The following IL1RAPL1 variants were observed in gnomAD, a reference collection of about 807,000 sequenced individuals.
The protein encoded by IL1RAPL1 is interleukin-1 receptor accessory protein-like 1.
In IL1RAPL1, 3 loss-of-function variants were observed where a neutral mutation model predicts 48.4. The ratio of observed to expected loss-of-function variants is 0.06; its 90% CI spans 0.03 to 0.16. The LOEUF is 0.16. Ranked by LOEUF, IL1RAPL1 falls within the 10% of genes least tolerant of loss-of-function variation. IL1RAPL1 has a pLI of 1.00. For missense variants in IL1RAPL1, 349 were observed against 530.6 expected, an observed-to-expected ratio of 0.66 and a Z score of 3.36; for synonymous variants, 185 against 187.7, an observed-to-expected ratio of 0.99 and a Z score of 0.12.
At chrX:29,234,420 T>C (rs1448199585) in intron 2 of IL1RAPL1, among the ~76,000 whole-genome samples, 1 of 111,627 alleles carries the variant, frequency 9.0e-6, no homozygotes, top group Non-Finnish European at 1.9e-5. Flanking sequence ...TTCCTTATCC[T>C]ACATAAGACA....
intron 2 of IL1RAPL1, among the ~76,000 whole-genome samples, chrX:29,130,609 T>C (rs1267124450): frequency 1.8e-5 from 2 of 112,232 alleles, no homozygotes; most frequent in Admixed American, 9.4e-5. Flanking sequence ...CACTTAATAG[T>C]GAAGTTCGGT....
At chrX:28,600,858 C>G (rs755861153) in intron 1 of IL1RAPL1, among the ~76,000 whole-genome samples, 37 of 111,863 alleles carry the variant, frequency 3.3e-4, no homozygotes. Flanking sequence ...ACACTATTCA[C>G]TTTTATATTA....
intron 5 of IL1RAPL1, among the ~76,000 whole-genome samples, chrX:29,625,750 T>C (rs1336008865): frequency 8.9e-6 from 1 of 112,257 alleles, no homozygotes; most frequent in Non-Finnish European, 1.9e-5. Flanking sequence ...ATCAGTGATA[T>C]AATGATTACA....
At chrX:29,614,642 C>T (rs5972482) in intron 5 of IL1RAPL1, among the ~76,000 whole-genome samples, 36,724 of 110,684 alleles carry the variant, frequency 0.33, 4,957 homozygotes, top group African/African-American at 0.5. Context: ...TACGGTAAAG[C>T]TTCTCCACAC....
intron 1 of IL1RAPL1, among the ~76,000 whole-genome samples, chrX:28,677,897 C>A (rs755362767): frequency 1.9e-4 from 21 of 111,205 alleles, no homozygotes; most frequent in Non-Finnish European, 4.0e-4. Flanking sequence ...CTGATTACTT[C>A]TTCAGGATAA....
At chrX:28,874,935 A>G (rs1601940726) in intron 2 of IL1RAPL1, among the ~76,000 whole-genome samples, 1 of 112,223 alleles carries the variant, frequency 8.9e-6, no homozygotes, top group African/African-American at 3.2e-5. Flanking sequence ...ATTTCTTGGT[A>G]TATAATCAGA....
chrX:28,986,406 T>C (rs773721592), intron 2 of IL1RAPL1, among the ~76,000 whole-genome samples: 1 of 112,659 alleles, frequency 8.9e-6, no homozygotes, highest in African/African-American at 3.2e-5. Context: ...TCCCATTTTA[T>C]ACCTAATAGA....
intron 5 of IL1RAPL1, among the ~76,000 whole-genome samples, chrX:29,462,535 A>G (rs1434085120): frequency 9.0e-6 from 1 of 111,430 alleles, no homozygotes; most frequent in Non-Finnish European, 1.9e-5. Context: ...TGTAGAAAAC[A>G]CCATGGGCAT....
chrX:29,496,692 T>C (rs766931039), intron 5 of IL1RAPL1, among the ~76,000 whole-genome samples: 1 of 111,252 alleles, frequency 9.0e-6, no homozygotes, highest in South Asian at 3.8e-4. Flanking sequence ...ATACCTGTGG[T>C]TTAACTGAGC....
chrX:28,817,350 A>G (rs992194307), intron 2 of IL1RAPL1, among the ~76,000 whole-genome samples: 1 of 111,155 alleles, frequency 9.0e-6, no homozygotes, highest in Non-Finnish European at 1.9e-5. Flanking sequence ...GTCAGTAACC[A>G]TCAACTCCCA....
At chrX:28,812,876 C>A (rs1195914539) in intron 2 of IL1RAPL1, among the ~76,000 whole-genome samples, 1 of 110,555 alleles carries the variant, frequency 9.0e-6, no homozygotes, top group East Asian at 2.9e-4. Context: ...TGTCACATTA[C>A]CCAGTTTCAT....
At chrX:29,257,626 G>A (rs1470522681) in intron 2 of IL1RAPL1, among the ~76,000 whole-genome samples, 1 of 111,616 alleles carries the variant, frequency 9.0e-6, no homozygotes, top group Non-Finnish European at 1.9e-5. Flanking sequence ...CCTATTATAT[G>A]TGTTAAAAAT....
At chrX:29,092,678 ACTT>A (rs1271953026) in intron 2 of IL1RAPL1, among the ~76,000 whole-genome samples, 5 of 111,864 alleles carry the variant, frequency 4.5e-5, no homozygotes, top group African/African-American at 1.3e-4. Flanking sequence ...AAATGAAATA[ACTT>A]CTTCAGGATT....
In IL1RAPL1 at chrX:29,129,494, A is replaced by G. The variant is rs183459986; in HGVS notation, c.83-153444A>G. Among the ~76,000 whole-genome samples the G allele has an allele frequency of 3.9e-3, 435 of 110,854 alleles. 1 individual carries two copies. The highest frequency in any genetic ancestry group is 6.7e-3 in the Non-Finnish European group (352 of 52,922). On this transcript the variant is annotated intron_variant, in intron 2 of 10. Transcript: ENST00000378993. ...AGACTAAAAGGATATGTATAACAAA[A>G]TTTTATCTCTATATTGTGAGATTAA...
intron 2 of IL1RAPL1, among the ~76,000 whole-genome samples, chrX:29,028,297 T>G (rs1033695312): frequency 2.0e-5 from 2 of 102,371 alleles, no homozygotes; most frequent in African/African-American, 3.6e-5. Flanking sequence ...TGTTTGTTTT[T>G]TTTTTTTTTT....
In IL1RAPL1 at chrX:29,851,173, T is replaced by C. The variant is rs1423126716; in HGVS notation, c.779-66291T>C. ...CTCAGTACTTCTAACTTTAAAATCATCTTGACCCATATTTCTGTATCTCTC... is the reference window on the plus strand; with the variant it reads ...CTCAGTACTTCTAACTTTAAAATCACCTTGACCCATATTTCTGTATCTCTC... On this transcript the variant is annotated intron_variant, in intron 6 of 10. Transcript: ENST00000378993. Among the ~76,000 whole-genome samples the C allele has an allele frequency of 2.7e-5, 3 of 111,857 alleles. No homozygotes were observed. The East Asian group carries it at 8.4e-4, about 31-fold the overall frequency.
chrX:29,619,401 T>G (rs774436167), intron 5 of IL1RAPL1, among the ~76,000 whole-genome samples: 3 of 111,897 alleles, frequency 2.7e-5, no homozygotes, highest in East Asian at 5.6e-4. Flanking sequence ...TTATCTTCAT[T>G]TAAACAAGCT....
intron 2 of IL1RAPL1, among the ~76,000 whole-genome samples, chrX:29,078,115 C>CA (rs397937630): frequency 9.0e-6 from 1 of 110,979 alleles, no homozygotes; most frequent in Admixed American, 9.5e-5. Flanking sequence ...ACTAAAAATA[C>CA]AAAAAAATTA....
chrX:29,070,213 A>T (rs2147439975), intron 2 of IL1RAPL1, among the ~76,000 whole-genome samples: 1 of 111,991 alleles, frequency 8.9e-6, no homozygotes, highest in East Asian at 2.8e-4. Context: ...TCATTTTGAC[A>T]TCCTACTTTG....
Sources: gnomAD v4.1 joint callset for allele counts (sites outside exome capture counted in the v4.1 genomes callset) on GRCh38, gnomAD v4.1.1 for gene constraint, MANE v1.5 for transcripts, NCBI Gene and HGNC (gene_info 2026-07-23, HGNC 2026-07-21) for gene names.